Variants in TPRG1 observed in about 807,000 individuals in gnomAD.
TPRG1 encodes tumor protein p63-regulated gene 1 protein.
TPRG1 carries 29 observed loss-of-function variants against 29.3 expected under a neutral mutation model. The ratio of observed to expected loss-of-function variants is 0.99; its 90% CI spans 0.74 to 1.35. TPRG1 has a LOEUF of 1.35. Among genes scored for constraint, TPRG1 ranks in the 40% most tolerant of loss-of-function variants. The pLI is 0.00. For synonymous variants in TPRG1, 130 were observed against 116.8 expected (o/e 1.11, Z -0.73); for missense variants, 327 against 335.0 (o/e 0.98, Z 0.19).
chr3:189,195,442 G>A (rs908096575), intron 1 of TPRG1, among the ~76,000 whole-genome samples: 1 of 152,160 alleles, frequency 6.6e-6, no homozygotes, highest in Non-Finnish European at 1.5e-5. Flanking sequence ...CTTGGCTTGA[G>A]GATATTTGGC....
At chr3:189,276,879 T>G (rs1300198134) in intron 4 of TPRG1, among the ~76,000 whole-genome samples, 4 of 152,148 alleles carry the variant, frequency 2.6e-5, no homozygotes, top group African/African-American at 9.7e-5. Flanking sequence ...TCTTCCTCCT[T>G]TCTTTTTTTT....
In TPRG1 at chr3:189,017,545, C is replaced by A. The variant is rs1476772819; in HGVS notation, c.-659-6205C>A. Among the ~76,000 whole-genome samples the A allele has an allele frequency of 2.0e-5, 3 of 152,202 alleles. No homozygotes were observed. The East Asian group carries it at 5.8e-4, about 29-fold the overall frequency. On this transcript the variant is annotated intron_variant, in intron 3 of 10. Transcript: ENST00000433971. ...ATTTCCAGTTTCATCCATGTGCCTA[C>A]AAAGGACATGAACTCATCATTTTTT...
At chr3:189,315,685 A>G (rs1452425660) in intron 5 of TPRG1, 4 of 320,942 alleles carry the variant, frequency 1.2e-5, no homozygotes, top group African/African-American at 8.9e-5. Flanking sequence ...ATTTAACTTT[A>G]TACTCTTAGC....
chr3:189,202,280 T>A (rs558689490), intron 1 of TPRG1, among the ~76,000 whole-genome samples: 195 of 152,196 alleles, frequency 1.3e-3, no homozygotes, highest in African/African-American at 4.2e-3. Context: ...TCCTCGATGA[T>A]GAAGAGACTG....
chr3:189,054,754 TG>T (rs1369607968), intron 4 of TPRG1, among the ~76,000 whole-genome samples: 2 of 152,208 alleles, frequency 1.3e-5, no homozygotes, highest in East Asian at 3.9e-4. Flanking sequence ...CACTCCAGCC[TG>T]GGTGACAGAG....
chr3:189,074,871 G>C (rs1394896615), intron 4 of TPRG1, among the ~76,000 whole-genome samples: 3 of 151,692 alleles, frequency 2.0e-5, no homozygotes, highest in African/African-American at 7.3e-5. Flanking sequence ...GAGTGCAGTG[G>C]CGCGATCTCC....
chr3:189,190,971 A>C (rs1474598779), intron 1 of TPRG1: 1 of 985,286 alleles, frequency 1.0e-6, no homozygotes, highest in Non-Finnish European at 1.2e-6. Flanking sequence ...GAAGCAAGGA[A>C]ATGCGAATAT....
At chr3:189,180,954 T>C (rs1247038140) in intron 1 of TPRG1, among the ~76,000 whole-genome samples, 2 of 152,160 alleles carry the variant, frequency 1.3e-5, no homozygotes, top group Non-Finnish European at 2.9e-5. Context: ...AGGCAGAGGT[T>C]CCCAAACCCC....
chr3:189,169,540 A>C (rs1728562896), upstream of TPRG1, among the ~76,000 whole-genome samples: 2 of 152,176 alleles, frequency 1.3e-5, no homozygotes, highest in South Asian at 4.1e-4. Flanking sequence ...ATCTGGTAAA[A>C]ATTATTCTGT....
intron 3 of TPRG1, among the ~76,000 whole-genome samples, chr3:189,224,717 G>T (rs1319812570): frequency 6.6e-6 from 1 of 152,066 alleles, no homozygotes; most frequent in Admixed American, 6.6e-5. Context: ...ACAAACTGGG[G>T]ATCCATAGGC....
At chr3:189,177,907 G>A (rs1002599968) in intron 1 of TPRG1, among the ~76,000 whole-genome samples, 7 of 152,188 alleles carry the variant, frequency 4.6e-5, no homozygotes, top group African/African-American at 1.7e-4. Flanking sequence ...AACCCAGAAG[G>A]GAGATGGAGG....
chr3:189,005,453 T>A (rs1712238990), intron 3 of TPRG1, among the ~76,000 whole-genome samples: 1 of 152,124 alleles, frequency 6.6e-6, no homozygotes, highest in South Asian at 2.1e-4. Context: ...TTTTGAGGTA[T>A]CTTCCAAGAA....
At chr3:189,038,054 T>C (rs1469395946) in intron 4 of TPRG1, among the ~76,000 whole-genome samples, 1 of 151,538 alleles carries the variant, frequency 6.6e-6, no homozygotes, top group Non-Finnish European at 1.5e-5. Flanking sequence ...GAAACTTAGG[T>C]CTAAAATATA....
chr3:189,243,558 T>C (rs1397553956), intron 4 of TPRG1, among the ~76,000 whole-genome samples: 1 of 152,126 alleles, frequency 6.6e-6, no homozygotes, highest in African/African-American at 2.4e-5. Flanking sequence ...TTTTTTTTCC[T>C]ACCATATGGC....
intron 4 of TPRG1, among the ~76,000 whole-genome samples, chr3:189,259,916 A>G (rs1712691564): frequency 1.3e-5 from 2 of 152,166 alleles, no homozygotes; most frequent in African/African-American, 4.8e-5. Context: ...TGCCTTTGTC[A>G]TGTGCCTAAT....
At chr3:189,222,629 T>C (rs953831228) in intron 3 of TPRG1, among the ~76,000 whole-genome samples, 1 of 152,216 alleles carries the variant, frequency 6.6e-6, no homozygotes, top group East Asian at 1.9e-4. Flanking sequence ...TGATTCCTTA[T>C]GCACATTAAA....
At chr3:189,269,451 G>A (rs1485784921) in intron 4 of TPRG1, among the ~76,000 whole-genome samples, 1 of 152,136 alleles carries the variant, frequency 6.6e-6, no homozygotes, top group Non-Finnish European at 1.5e-5. Flanking sequence ...TTACTTAGGT[G>A]CGCCAGTTTA....
At chr3:189,215,610 C>T (rs7621445) in intron 3 of TPRG1, among the ~76,000 whole-genome samples, 1 of 152,112 alleles carries the variant, frequency 6.6e-6, no homozygotes, top group Non-Finnish European at 1.5e-5. Context: ...TCAACCATCA[C>T]TACGTCTACC....
intron 2 of TPRG1, among the ~76,000 whole-genome samples, chr3:189,210,155 T>C (rs1301094175): frequency 6.6e-6 from 1 of 152,166 alleles, no homozygotes; most frequent in African/African-American, 2.4e-5. Flanking sequence ...ATTGGATGTA[T>C]ATGCATATAT....
Sources: allele counts gnomAD v4.1 joint callset (sites outside exome capture counted in the v4.1 genomes callset), GRCh38; gene constraint gnomAD v4.1.1; transcripts MANE v1.5; gene names NCBI Gene and HGNC (gene_info 2026-07-23, HGNC 2026-07-21).